The following ZNF521 variants were observed in gnomAD, a reference collection of about 807,000 sequenced individuals.
ZNF521 encodes zinc finger protein 521.
A neutral mutation model predicts 105.5 loss-of-function variants in ZNF521; 14 were observed. The ratio of observed to expected loss-of-function variants is 0.13; its 90% CI spans 0.09 to 0.21. The LOEUF is 0.21. ZNF521 is among the 10% of genes least tolerant of loss of function. The pLI is 1.00. For synonymous variants in ZNF521, 635 were observed against 606.0 expected (o/e 1.05, Z -0.70); for missense variants, 1,233 against 1,629.7 (o/e 0.76, Z 4.19).
intron 3 of ZNF521, chr18:25,315,620 T>A (rs1029168852): frequency 6.6e-6 from 1 of 152,232 alleles, no homozygotes; most frequent in Non-Finnish European, 1.5e-5. Context: ...ACCTGGCACA[T>A]AATCTTATAG....
At chr18:25,250,262 A>T (rs1465384019) in intron 3 of ZNF521, among the ~76,000 whole-genome samples, 1 of 152,184 alleles carries the variant, frequency 6.6e-6, no homozygotes, top group Non-Finnish European at 1.5e-5. Context: ...CCTATTAAGC[A>T]AGGCTGTTTT....
chr18:25,320,143 T>C (rs944449074), intron 3 of ZNF521, among the ~76,000 whole-genome samples: 9 of 152,148 alleles, frequency 5.9e-5, no homozygotes, highest in African/African-American at 1.9e-4. Context: ...GATTGTGAAT[T>C]AGATAGTAGT....
intron 3 of ZNF521, among the ~76,000 whole-genome samples, chr18:25,260,828 C>A (rs1055097968): frequency 6.6e-6 from 1 of 151,860 alleles, no homozygotes; most frequent in African/African-American, 2.4e-5. Flanking sequence ...TACTGATGCA[C>A]GTGGAAAGTA....
At chr18:25,157,883 C>T (rs2035176637) in intron 5 of ZNF521, among the ~76,000 whole-genome samples, 1 of 152,098 alleles carries the variant, frequency 6.6e-6, no homozygotes, top group African/African-American at 2.4e-5. Flanking sequence ...TCCAGAGGAG[C>T]TGGGATTACA....
intron 3 of ZNF521, among the ~76,000 whole-genome samples, chr18:25,291,180 G>A (rs1374080289): frequency 2.6e-5 from 4 of 152,078 alleles, no homozygotes; most frequent in African/African-American, 4.8e-5. Flanking sequence ...AATAATGCAC[G>A]AGTGAAATTC....
At chr18:25,254,676 C>T (rs1031571504) in intron 3 of ZNF521, among the ~76,000 whole-genome samples, 2 of 152,106 alleles carry the variant, frequency 1.3e-5, no homozygotes, top group East Asian at 1.9e-4. Flanking sequence ...AAGGTAAGAA[C>T]AGGGAATGGG....
intron 2 of ZNF521, 116 bp downstream of exon 2, chr18:25,350,791 G>GCACTCA (rs1057406241): frequency 6.0e-6 from 7 of 1,163,952 alleles, no homozygotes; most frequent in South Asian, 1.4e-5. Context: ...GCGCGCCCCC[G>GCACTCA]CACTCACACT....
intron 3 of ZNF521, among the ~76,000 whole-genome samples, chr18:25,281,006 A>T (rs145033129): frequency 6.6e-6 from 1 of 152,106 alleles, no homozygotes; most frequent in African/African-American, 2.4e-5. Context: ...AAGCAAATCA[A>T]TCCTTACACC....
chr18:25,113,775 C>CAA (rs1413585911), intron 5 of ZNF521, among the ~76,000 whole-genome samples: 1 of 150,762 alleles, frequency 6.6e-6, no homozygotes, highest in Non-Finnish European at 1.5e-5. Context: ...CACACACACA[C>CAA]ACACACACAC....
At chr18:25,349,117 T>C (rs1051234491) in intron 2 of ZNF521, among the ~76,000 whole-genome samples, 4 of 152,136 alleles carry the variant, frequency 2.6e-5, no homozygotes, top group Admixed American at 6.5e-5. Context: ...CAGAAGCTTC[T>C]TGGAGCCCTT....
chr18:25,233,519 C>T (rs1400080478), intron 3 of ZNF521, among the ~76,000 whole-genome samples: 1 of 152,060 alleles, frequency 6.6e-6, no homozygotes, highest in Non-Finnish European at 1.5e-5. Context: ...CTAGAAGGAC[C>T]AATTAAATGA....
At position 25,283,933 on chromosome 18, in the gene ZNF521, C is replaced by G. The variant is rs113105905; in HGVS notation, c.220+38075G>C. Among the ~76,000 whole-genome samples, 38 of 133,348 alleles carry G rather than the reference C, an allele frequency of 2.8e-4. 1 individual carries two copies. Among genetic ancestry groups the G allele is most frequent in the East Asian group, 1.8e-3 (7 of 3,908 alleles). The allele number at this position is 133,348 out of a possible 152,430, so 87.5% of individuals were successfully genotyped here. A position where few individuals can be genotyped will look rare whatever the true frequency, so the allele number is the denominator to read the frequency against. On this transcript the variant is annotated intron_variant, in intron 3 of 7. Coordinates refer to ENST00000361524, the MANE Select transcript of ZNF521 (RefSeq NM_015461.3). ...ACAAGCCAATACTTTCCCCCCCCCCCAAAAAAATTCATGAGCAGCAACAGC... is the reference window on the plus strand; with the variant it reads ...ACAAGCCAATACTTTCCCCCCCCCCGAAAAAAATTCATGAGCAGCAACAGC...
At chr18:25,295,486 C>T (rs543972540) in intron 3 of ZNF521, among the ~76,000 whole-genome samples, 3 of 152,038 alleles carry the variant, frequency 2.0e-5, no homozygotes, top group East Asian at 1.9e-4. Context: ...TTGTCTGTAA[C>T]ACAAAAGATA....
At chr18:25,118,835 G>T (rs1297975597) in intron 5 of ZNF521, among the ~76,000 whole-genome samples, 1 of 151,992 alleles carries the variant, frequency 6.6e-6, no homozygotes, top group Non-Finnish European at 1.5e-5. Context: ...AAGAAAGATT[G>T]TCAGAATGAA....
At chr18:25,140,193 C>G (rs2034820680) in intron 5 of ZNF521, among the ~76,000 whole-genome samples, 1 of 152,104 alleles carries the variant, frequency 6.6e-6, no homozygotes, top group Non-Finnish European at 1.5e-5. Context: ...TCTATCTACT[C>G]CTGAATGAAA....
intron 7 of ZNF521, among the ~76,000 whole-genome samples, chr18:25,083,039 T>C (rs911999852): frequency 6.6e-6 from 1 of 152,078 alleles, no homozygotes; most frequent in African/African-American, 2.4e-5. Flanking sequence ...AAAAATAAAC[T>C]AAAACTTTTT....
At chr18:25,327,574 TA>T (rs1175260070) in intron 2 of ZNF521, 1 of 616,248 alleles carries the variant, frequency 1.6e-6, no homozygotes, top group Non-Finnish European at 2.8e-6. Context: ...GAGAAAAAGT[TA>T]CCTTCAGGCT....
intron 4 of ZNF521, among the ~76,000 whole-genome samples, chr18:25,206,094 C>G (rs935913812): frequency 9.2e-5 from 14 of 152,138 alleles, no homozygotes; most frequent in African/African-American, 3.4e-4. Context: ...ACCTCCACCT[C>G]CTGGGCTTAA....
intron 3 of ZNF521, among the ~76,000 whole-genome samples, chr18:25,271,576 A>G (rs970694004): frequency 1.3e-5 from 2 of 152,190 alleles, no homozygotes; most frequent in African/African-American, 4.8e-5. Context: ...AGATATATAG[A>G]CCAATGGAAC....
Sources: gnomAD v4.1 joint callset for allele counts (sites outside exome capture counted in the v4.1 genomes callset) on GRCh38, gnomAD v4.1.1 for gene constraint, MANE v1.5 for transcripts, NCBI Gene and HGNC (gene_info 2026-07-23, HGNC 2026-07-21) for gene names.